TMEM108: variants seen among roughly 807,000 people sequenced by gnomAD.
The protein encoded by TMEM108 is transmembrane protein 108, also known as cancer/testis antigen 124.
A neutral mutation model predicts 35.1 loss-of-function variants in TMEM108; 12 were observed. The observed-to-expected ratio is 0.34, with a 90% CI of 0.22 to 0.55. The LOEUF (loss-of-function observed/expected upper bound fraction) is 0.55. TMEM108 is among the 20% of genes least tolerant of loss of function. The pLI, the probability that TMEM108 is intolerant of heterozygous loss-of-function variation, is 0.89. For missense variants in TMEM108, 680 were observed against 753.3 expected (o/e 0.90, Z 1.14); for synonymous variants, 287 against 308.6 (o/e 0.93, Z 0.73).
In TMEM108 at chr3:133,270,824, C is replaced by A. The variant is rs533635840; in HGVS notation, c.40+41473C>A. Among the ~76,000 whole-genome samples, 278 of 151,442 alleles carry A rather than the reference C, an allele frequency of 1.8e-3. 1 individual carries two copies. Among genetic ancestry groups the A allele is most frequent in the South Asian group, 4.4e-3 (21 of 4,792 alleles). On this transcript the variant is annotated intron_variant, in intron 3 of 5. Coordinates refer to ENST00000321871, the MANE Select transcript of TMEM108 (RefSeq NM_023943.4). ...ACACACACACACACACACACACTCA[C>A]ACACTCACACACACACACACCCCTA...
chr3:133,280,297 G>C (rs183497203), intron 3 of TMEM108, among the ~76,000 whole-genome samples: 278 of 152,298 alleles, frequency 1.8e-3, no homozygotes, highest in Non-Finnish European at 3.0e-3. Flanking sequence ...ATTTTGTATG[G>C]TTTTGTGTAA....
intron 3 of TMEM108, among the ~76,000 whole-genome samples, chr3:133,319,578 C>G (rs769660979): frequency 2.0e-5 from 3 of 152,204 alleles, no homozygotes; most frequent in African/African-American, 4.8e-5. Context: ...TTCAAGAAAG[C>G]TAGTACACTA....
chr3:133,327,017 G>A (rs570070586), intron 3 of TMEM108, among the ~76,000 whole-genome samples: 17 of 152,266 alleles, frequency 1.1e-4, no homozygotes, highest in African/African-American at 4.1e-4. Flanking sequence ...AGCCTTTCAG[G>A]TACAGCTTTT....
At chr3:133,122,224 A>G (rs1294457496) in intron 2 of TMEM108, among the ~76,000 whole-genome samples, 1 of 152,128 alleles carries the variant, frequency 6.6e-6, no homozygotes, top group African/African-American at 2.4e-5. Context: ...GGCTTATTGT[A>G]TAATTCAATG....
chr3:133,307,893 G>T (rs1173299323), intron 3 of TMEM108, among the ~76,000 whole-genome samples: 1 of 152,112 alleles, frequency 6.6e-6, no homozygotes, highest in Non-Finnish European at 1.5e-5. Context: ...CCAATTCTGT[G>T]AAGCAAATCA....
chr3:133,183,705 T>C (rs1945380161), intron 2 of TMEM108, among the ~76,000 whole-genome samples: 4 of 152,144 alleles, frequency 2.6e-5, no homozygotes. Context: ...TACATTCTTG[T>C]TGAGGCAGGG....
chr3:133,395,358 C>T (rs533585099), intron 5 of TMEM108, among the ~76,000 whole-genome samples: 114 of 152,290 alleles, frequency 7.5e-4, no homozygotes, highest in African/African-American at 2.6e-3. Flanking sequence ...CTGTTAGATC[C>T]TGACAGGTGG....
chr3:133,147,952 C>T (rs1425075170), intron 2 of TMEM108, among the ~76,000 whole-genome samples: 3 of 152,036 alleles, frequency 2.0e-5, no homozygotes, highest in African/African-American at 4.8e-5. Context: ...AAACCCTCCT[C>T]TGAATGCCGT....
intron 3 of TMEM108, among the ~76,000 whole-genome samples, chr3:133,328,112 A>G (rs765254700): frequency 2.4e-4 from 36 of 152,196 alleles, no homozygotes; most frequent in Non-Finnish European, 4.0e-4. Context: ...GTGCAAGTCC[A>G]GGGAAATTCA....
chr3:133,289,055 T>C (rs1316117833), intron 3 of TMEM108, among the ~76,000 whole-genome samples: 1 of 152,066 alleles, frequency 6.6e-6, no homozygotes, highest in Non-Finnish European at 1.5e-5. Flanking sequence ...AATAGTAATT[T>C]TTACATATTT....
intron 3 of TMEM108, among the ~76,000 whole-genome samples, chr3:133,361,132 T>C (rs1299672211): frequency 6.6e-6 from 1 of 152,208 alleles, no homozygotes; most frequent in Admixed American, 6.5e-5. Flanking sequence ...TTTTAAACCT[T>C]GCAATCATTT....
intron 2 of TMEM108, among the ~76,000 whole-genome samples, chr3:133,133,400 AC>A (rs753350945): frequency 2.6e-5 from 4 of 152,212 alleles, no homozygotes; most frequent in Non-Finnish European, 4.4e-5. Flanking sequence ...TAAGGTATGT[AC>A]TTTTTTTAGA....
intron 1 of TMEM108, among the ~76,000 whole-genome samples, chr3:133,040,107 T>C (rs2107667351): frequency 6.6e-6 from 1 of 152,244 alleles, no homozygotes; most frequent in South Asian, 2.1e-4. Flanking sequence ...ATGACCCTAG[T>C]AAAGTGAAAT....
intron 2 of TMEM108, among the ~76,000 whole-genome samples, chr3:133,172,154 A>G (rs902782060): frequency 6.6e-6 from 1 of 152,022 alleles, no homozygotes; most frequent in Non-Finnish European, 1.5e-5. Context: ...TTCATTTTAC[A>G]GATGAGGAAA....
At chr3:133,153,888 T>C (rs1944837597) in intron 2 of TMEM108, among the ~76,000 whole-genome samples, 1 of 152,108 alleles carries the variant, frequency 6.6e-6, no homozygotes, top group Non-Finnish European at 1.5e-5. Context: ...CACATATATA[T>C]ATAGTCACAC....
chr3:133,309,286 A>G, intron 3 of TMEM108, among the ~76,000 whole-genome samples: 1 of 151,812 alleles, frequency 6.6e-6, no homozygotes, highest in East Asian at 1.9e-4. Context: ...CAGTCTATCA[A>G]TTTTGTTAAT....
chr3:133,075,094 TTC>T (rs1943724600), intron 2 of TMEM108, among the ~76,000 whole-genome samples: 1 of 152,202 alleles, frequency 6.6e-6, no homozygotes, highest in African/African-American at 2.4e-5. Context: ...TTTGCTGTGC[TTC>T]TCCACAGAGC....
intron 1 of TMEM108, among the ~76,000 whole-genome samples, chr3:133,043,453 A>G (rs1943298759): frequency 6.6e-6 from 1 of 152,230 alleles, no homozygotes; most frequent in East Asian, 1.9e-4. Context: ...TGCTCACTAA[A>G]TGATGCTAAT....
At chr3:133,065,567 A>G (rs1943597167) in intron 2 of TMEM108, among the ~76,000 whole-genome samples, 1 of 152,090 alleles carries the variant, frequency 6.6e-6, no homozygotes. Flanking sequence ...TAAGGTGCAT[A>G]TTTTCTAATT....
Sources: allele counts gnomAD v4.1 joint callset (sites outside exome capture counted in the v4.1 genomes callset), GRCh38; gene constraint gnomAD v4.1.1; transcripts MANE v1.5; gene names NCBI Gene and HGNC (gene_info 2026-07-23, HGNC 2026-07-21).